The following CSMD2 variants were observed in gnomAD, a reference collection of about 807,000 sequenced individuals.
CSMD2 encodes the protein CUB and Sushi multiple domains 2.
Under a neutral mutation model 398.5 loss-of-function variants are expected in CSMD2, and 130 were observed. That is an observed-to-expected ratio of 0.33 (90% CI 0.28 to 0.38). The LOEUF (loss-of-function observed/expected upper bound fraction) is 0.38, where lower values mean the gene tolerates loss of function less well. Among genes scored for constraint, CSMD2 ranks in the 10% least tolerant of loss-of-function variants. The probability of loss-of-function intolerance (pLI) is 1.00; values close to 1 mark genes in which losing one functional copy is unlikely to be tolerated. For missense variants in CSMD2, 3,829 were observed against 4,764.9 expected, an observed-to-expected ratio of 0.80 and a Z score of 5.78; for synonymous variants, 1,828 against 1,908.5, an observed-to-expected ratio of 0.96 and a Z score of 1.10.
intron 2 of CSMD2, among the ~76,000 whole-genome samples, chr1:34,063,300 C>A (rs185798598): frequency 6.6e-6 from 1 of 152,310 alleles, no homozygotes; most frequent in East Asian, 1.9e-4. Context: ...AGCATTAACA[C>A]GAAAGTCCAC....
intron 44 of CSMD2, among the ~76,000 whole-genome samples, chr1:33,588,562 C>T (rs921988366): frequency 6.6e-6 from 1 of 152,128 alleles, no homozygotes; most frequent in African/African-American, 2.4e-5. Context: ...CTGTGTTGTA[C>T]TTCAACCCAA....
At position 33,709,275 on chromosome 1, in the gene CSMD2, A is replaced by C; in HGVS notation, c.3407-17T>G. The C allele has an allele frequency of 1.2e-6, 2 of 1,608,790 alleles. No individual in the cohort carries two copies. Among genetic ancestry groups the C allele is most frequent in the African/African-American group, 2.7e-5 (2 of 74,948 alleles). ...CACACTCAGCTGGAAAGAGAATCAC[A>C]ATAACCATAGATTAACCCCCATCAG... On this transcript the variant is annotated splice_polypyrimidine_tract_variant and intron_variant, in intron 21 of 70. Coordinates refer to ENST00000373381, the MANE Select transcript of CSMD2 (RefSeq NM_001281956.2).
At chr1:34,066,801 G>C (rs1655167724) in intron 2 of CSMD2, among the ~76,000 whole-genome samples, 1 of 152,218 alleles carries the variant, frequency 6.6e-6, no homozygotes, top group African/African-American at 2.4e-5. Context: ...CTCTGGGAAA[G>C]ATGGGGCTTC....
chr1:33,905,558 C>G (rs1179383269), intron 5 of CSMD2, among the ~76,000 whole-genome samples: 1 of 152,154 alleles, frequency 6.6e-6, no homozygotes, highest in Non-Finnish European at 1.5e-5. Context: ...AAAGAACTGT[C>G]TCAGCAATTG....
At chr1:33,725,175 G>A (rs935040811) in intron 17 of CSMD2, among the ~76,000 whole-genome samples, 174 bp downstream of exon 17, 3 of 152,190 alleles carry the variant, frequency 2.0e-5, no homozygotes, top group African/African-American at 4.8e-5. Flanking sequence ...CATGACCTGA[G>A]GGATGCTGAG....
At chr1:33,729,331 T>C (rs1646644263) in intron 15 of CSMD2, among the ~76,000 whole-genome samples, 3 of 152,206 alleles carry the variant, frequency 2.0e-5, no homozygotes, top group Admixed American at 2.0e-4. Context: ...CTAGTTAATC[T>C]CTTCCTGTGC....
At chr1:33,801,178 CCTCCCT>C (rs927329365) in intron 10 of CSMD2, among the ~76,000 whole-genome samples, 1 of 152,120 alleles carries the variant, frequency 6.6e-6, no homozygotes, top group African/African-American at 2.4e-5. Context: ...TTCCATGCCC[CCTCCCT>C]CTCCCTCCCA....
At chr1:33,679,846 T>C (rs570801555) in intron 25 of CSMD2, among the ~76,000 whole-genome samples, 1 of 152,326 alleles carries the variant, frequency 6.6e-6, no homozygotes, top group South Asian at 2.1e-4. Context: ...GTTAGCATTA[T>C]TGTGGACTAT....
intron 10 of CSMD2, among the ~76,000 whole-genome samples, chr1:33,810,380 A>C (rs934930483): frequency 6.6e-6 from 1 of 152,210 alleles, no homozygotes; most frequent in African/African-American, 2.4e-5. Context: ...ATACACACTT[A>C]AGTGCTAAGT....
intron 29 of CSMD2, among the ~76,000 whole-genome samples, chr1:33,645,142 G>A (rs1405155125): frequency 1.3e-5 from 2 of 152,040 alleles, no homozygotes; most frequent in Non-Finnish European, 2.9e-5. Context: ...TATTTAATTA[G>A]GGGACACTTT....
intron 5 of CSMD2, among the ~76,000 whole-genome samples, chr1:33,858,441 T>A (rs1639253981): frequency 6.6e-6 from 1 of 152,190 alleles, no homozygotes; most frequent in African/African-American, 2.4e-5. Context: ...GCTAAACATA[T>A]GAGCCAAGGG....
chr1:33,911,659 C>A (rs970175944), intron 5 of CSMD2, among the ~76,000 whole-genome samples: 3 of 152,204 alleles, frequency 2.0e-5, no homozygotes, highest in African/African-American at 7.2e-5. Context: ...GGGTTACTTG[C>A]TGGACCTAGA....
chr1:33,658,283 C>A, intron 26 of CSMD2, 146 bp from the exon 27 acceptor site: 1 of 638,588 alleles, frequency 1.6e-6, no homozygotes, highest in Non-Finnish European at 2.7e-6. Context: ...CAGCTGTAGC[C>A]ACAGTGCCAC....
At chr1:33,906,566 G>A (rs1643103146) in intron 5 of CSMD2, among the ~76,000 whole-genome samples, 1 of 152,168 alleles carries the variant, frequency 6.6e-6, no homozygotes, top group African/African-American at 2.4e-5. Context: ...GTGAGAGAGA[G>A]GGATTAAATA....
In CSMD2 at chr1:33,596,786, C is replaced by T. The variant is rs752854575; in HGVS notation, c.6856+4079G>A. On this transcript the variant is annotated intron_variant, in intron 44 of 70. Coordinates refer to ENST00000373381, the MANE Select transcript of CSMD2 (RefSeq NM_001281956.2). ...TGACATATGGGGATTATGGGAACTA[C>T]AATTCAAGATGAGATTTGGGTGGGG... Among the ~76,000 whole-genome samples, 126 of 152,312 alleles carry T rather than the reference C, an allele frequency of 8.3e-4. 1 individual carries two copies. The highest frequency in any genetic ancestry group is 1.6e-3 in the Non-Finnish European group (107 of 68,022).
intron 18 of CSMD2, 55 bp from the exon 19 acceptor site, chr1:33,724,368 C>T: frequency 1.3e-6 from 2 of 1,506,598 alleles, no homozygotes; most frequent in Non-Finnish European, 1.8e-6. Context: ...GGGAGCACCC[C>T]CGTCATCCTC....
intron 1 of CSMD2, among the ~76,000 whole-genome samples, chr1:34,103,714 G>A (rs1041855160): frequency 9.9e-5 from 15 of 151,852 alleles, no homozygotes; most frequent in African/African-American, 3.6e-4. Flanking sequence ...TTTTGTATTA[G>A]GTTGGTGCAA....
intron 25 of CSMD2, among the ~76,000 whole-genome samples, chr1:33,673,584 A>G (rs951959228): frequency 2.6e-5 from 4 of 152,228 alleles, no homozygotes; most frequent in Admixed American, 2.0e-4. Flanking sequence ...AGGCAGGCCA[A>G]CATTCAAATT....
chr1:33,672,853 G>T (rs1478259947), intron 25 of CSMD2, among the ~76,000 whole-genome samples: 1 of 152,212 alleles, frequency 6.6e-6, no homozygotes, highest in African/African-American at 2.4e-5. Flanking sequence ...GGCAAACAGG[G>T]TCTGGAGTGG....
Sources: gnomAD v4.1 joint callset for allele counts (sites outside exome capture counted in the v4.1 genomes callset) on GRCh38, gnomAD v4.1.1 for gene constraint, MANE v1.5 for transcripts, NCBI Gene and HGNC (gene_info 2026-07-23, HGNC 2026-07-21) for gene names.